NINL: variants seen among roughly 807,000 people sequenced by gnomAD.
NINL encodes the protein ninein-like protein.
A neutral mutation model predicts 160.3 loss-of-function variants in NINL; 153 were observed. The observed-to-expected ratio is 0.95, with a 90% CI of 0.84 to 1.09. The LOEUF (loss-of-function observed/expected upper bound fraction) is 1.09, where lower values mean the gene tolerates loss of function less well. Among genes scored for constraint, NINL ranks in the 50% least tolerant of loss-of-function variants. NINL has a pLI of 0.00. For synonymous variants in NINL, 800 were observed against 734.8 expected (o/e 1.09, Z -1.43); for missense variants, 1,829 against 1,764.0 (o/e 1.04, Z -0.66).
intron 5 of NINL, 93 bp from the exon 6 acceptor site, chr20:25,505,171 C>A: frequency 8.4e-7 from 1 of 1,191,178 alleles, no homozygotes; most frequent in Non-Finnish European, 1.2e-6. Context: ...CCCTTTCCAA[C>A]AGCGTGAATG....
intron 1 of NINL, among the ~76,000 whole-genome samples, chr20:25,554,476 C>T (rs1356271298): frequency 6.6e-6 from 1 of 151,958 alleles, no homozygotes; most frequent in African/African-American, 2.4e-5. Context: ...GTTTAAGGAT[C>T]ACAATTTATA....
chr20:25,488,008 A>G (rs1184684260), intron 13 of NINL, among the ~76,000 whole-genome samples: 1 of 152,224 alleles, frequency 6.6e-6, no homozygotes, highest in Non-Finnish European at 1.5e-5. Flanking sequence ...AGGCTTTGCA[A>G]TGCCCCAGAA....
intron 1 of NINL, among the ~76,000 whole-genome samples, chr20:25,540,633 C>T (rs1054233133): frequency 6.6e-6 from 1 of 152,106 alleles, no homozygotes; most frequent in Non-Finnish European, 1.5e-5. Flanking sequence ...CCTGCTCGCC[C>T]AGAAAGAACA....
intron 3 of NINL, among the ~76,000 whole-genome samples, chr20:25,515,564 G>T (rs1166420407): frequency 1.3e-5 from 2 of 152,152 alleles, no homozygotes; most frequent in African/African-American, 4.8e-5. Context: ...ACATGCATGA[G>T]ATTTTGCGGG....
chr20:25,507,910 G>T (rs951608225), intron 5 of NINL, among the ~76,000 whole-genome samples: 1 of 152,224 alleles, frequency 6.6e-6, no homozygotes, highest in Non-Finnish European at 1.5e-5. Context: ...TGACACGAGT[G>T]TGTGTGCACT....
chr20:25,504,792 C>A, intron 6 of NINL, 96 bp downstream of exon 6: 1 of 1,271,402 alleles, frequency 7.9e-7, no homozygotes, highest in South Asian at 1.3e-5. Context: ...GATGCACCTA[C>A]ATGAGTGGCT....
chr20:25,562,994 A>G (rs1172649543), intron 1 of NINL, among the ~76,000 whole-genome samples: 1 of 152,082 alleles, frequency 6.6e-6, no homozygotes, highest in East Asian at 1.9e-4. Flanking sequence ...GTGAAATCCC[A>G]TCTCTACTAA....
intron 5 of NINL, among the ~76,000 whole-genome samples, chr20:25,506,692 T>A (rs1380753538): frequency 3.9e-5 from 6 of 152,330 alleles, no homozygotes; most frequent in African/African-American, 9.6e-5. Flanking sequence ...TGTAATCTAC[T>A]GAACACTGTA....
chr20:25,482,773 C>T (rs138483264), intron 13 of NINL, among the ~76,000 whole-genome samples: 178 of 151,924 alleles, frequency 1.2e-3, no homozygotes, highest in African/African-American at 4.1e-3. Flanking sequence ...CCTGTAATCC[C>T]AACATTCTGG....
intron 1 of NINL, among the ~76,000 whole-genome samples, chr20:25,543,681 C>CT (rs2147065824): frequency 6.6e-6 from 1 of 152,298 alleles, no homozygotes; most frequent in South Asian, 2.1e-4. Context: ...TCCTTTGCAA[C>CT]TTTGTAACTT....
At chr20:25,568,501 T>A (rs375811137) in intron 1 of NINL, among the ~76,000 whole-genome samples, 27 of 151,958 alleles carry the variant, frequency 1.8e-4, no homozygotes, top group African/African-American at 5.5e-4. Flanking sequence ...CTCAACCTCC[T>A]CCGCTCAAGC....
rs60327668 is a variant in NINL, at chr20:25,519,096, C to CAAA, written c.181-1250_181-1248dup. The stretch of plus-strand genomic sequence containing the variant: ...TAGGCAACAGAGCGAGACTCTGTCT[C>CAAA]AAAAAAAAAAAAAAAAAAAGGAAGT... On this transcript the variant is annotated intron_variant, in intron 2 of 23. Transcript: ENST00000278886. 8.6e-4 allele frequency among the ~76,000 whole-genome samples: 79 copies of CAAA among 91,842 alleles called. 2 individuals are homozygous for CAAA. The highest frequency in any genetic ancestry group is 2.2e-3 in the African/African-American group (54 of 24,088). The allele number at this position is 91,842 out of a possible 152,430, so 60.3% of individuals were successfully genotyped here.
At chr20:25,528,461 A>G (rs1017011414) in intron 1 of NINL, among the ~76,000 whole-genome samples, 2 of 152,248 alleles carry the variant, frequency 1.3e-5, no homozygotes, top group African/African-American at 4.8e-5. Flanking sequence ...ATGCCTTATA[A>G]CAATTCTACC....
At chr20:25,503,686 T>A (rs1326666552) in intron 7 of NINL, among the ~76,000 whole-genome samples, 1 of 152,214 alleles carries the variant, frequency 6.6e-6, no homozygotes, top group African/African-American at 2.4e-5. Flanking sequence ...ACCACCCCCA[T>A]CTTACACGTG....
chr20:25,519,398 A>C (rs1369406076), intron 2 of NINL, among the ~76,000 whole-genome samples: 1 of 152,178 alleles, frequency 6.6e-6, no homozygotes, highest in Non-Finnish European at 1.5e-5. Context: ...TTCTTCTTGC[A>C]ATTCTGACTT....
chr20:25,458,526 G>GCA lies in NINL; in HGVS notation c.3698_3699dup (p.Gln1234CysfsTer6). 6.3e-7 allele frequency: 1 copy of GCA among 1,592,172 alleles called. No individual in the cohort carries two copies. The highest frequency in any genetic ancestry group is 8.5e-7 in the Non-Finnish European group (1 of 1,175,652). On this transcript the variant is annotated frameshift_variant, in exon 22 of 24. Coordinates refer to ENST00000278886, the MANE Select transcript of NINL (RefSeq NM_025176.6). LOFTEE classifies it high-confidence loss of function. ...TGCCTCAGCCTCAGGTGAGCTCCCT[G>GCA]CACCTGCATGGGGAAGGGGAGACAG...
At position 25,476,047 on chromosome 20, in the gene NINL, C is replaced by T. The variant is rs780653118; in HGVS notation, c.3244G>A (p.Asp1082Asn). The change falls in exon 17 of 24, where the codon GAC becomes AAC. Residue 1082 changes from aspartate to asparagine, a missense_variant. Asp to Asn is a conservative substitution (Grantham distance 23). Transcript: ENST00000278886. ...LEKHVDLREN[D>N]RLEFHRLSEE... Reference sequence around the variant, plus strand: ...AAGAATGAGTAGAAGGCAAACCTGTCGTTCTCTCTCAAATCTACATGTTTC... The same window carrying T: ...AAGAATGAGTAGAAGGCAAACCTGTTGTTCTCTCTCAAATCTACATGTTTC... 4 of 1,612,418 alleles carry T rather than the reference C, an allele frequency of 2.5e-6. No homozygotes were observed. The highest frequency in any genetic ancestry group is 1.1e-5 in the South Asian group (1 of 90,776).
intron 19 of NINL, among the ~76,000 whole-genome samples, chr20:25,464,816 T>G (rs1401808394): frequency 6.6e-6 from 1 of 152,212 alleles, no homozygotes; most frequent in East Asian, 1.9e-4. Context: ...CTGTGTCTCA[T>G]GACTTTGACA....
chr20:25,582,736 T>C (rs1333236753), intron 1 of NINL, among the ~76,000 whole-genome samples: 1 of 152,188 alleles, frequency 6.6e-6, no homozygotes, highest in Non-Finnish European at 1.5e-5. Context: ...TATACAAGCA[T>C]TCTTGCACAC....
Sources: allele counts gnomAD v4.1 joint callset (sites outside exome capture counted in the v4.1 genomes callset), GRCh38; gene constraint gnomAD v4.1.1; transcripts MANE v1.5; gene names NCBI Gene and HGNC (gene_info 2026-07-23, HGNC 2026-07-21).